Variants in SMIM7 observed in about 807,000 individuals in gnomAD.
The protein encoded by SMIM7 is small integral membrane protein 7, also known as UPF0608 protein C19orf42.
SMIM7 carries 12 observed loss-of-function variants against 13.3 expected under a neutral mutation model. That is an observed-to-expected ratio of 0.90 (90% CI 0.58 to 1.46). The LOEUF is 1.46. SMIM7 is among the 40% of genes most tolerant of loss of function. SMIM7 has a pLI of 0.00. For missense variants in SMIM7, 114 were observed against 94.8 expected, an observed-to-expected ratio of 1.20 and a Z score of -0.84; for synonymous variants, 36 against 35.8, an observed-to-expected ratio of 1.01 and a Z score of -0.02.
chr19:16,653,151 G>A (rs2044557451), intron 4 of SMIM7, among the ~76,000 whole-genome samples: 3 of 152,220 alleles, frequency 2.0e-5, no homozygotes, highest in Admixed American at 2.0e-4. Context: ...TCTCCTGGCA[G>A]CCCCTGCAGA....
At chr19:16,632,464 A>C (rs1431842032) in intron 4 of SMIM7, among the ~76,000 whole-genome samples, 2 of 151,862 alleles carry the variant, frequency 1.3e-5, no homozygotes, top group Non-Finnish European at 2.9e-5. Flanking sequence ...TGAATACAAT[A>C]CTTTAATTGC....
downstream of SMIM7, among the ~76,000 whole-genome samples, chr19:16,642,556 A>G (rs1348058262): frequency 6.6e-6 from 1 of 151,576 alleles, no homozygotes; most frequent in African/African-American, 2.4e-5. Flanking sequence ...AAACAAACAA[A>G]AAAGAATGAT....
chr19:16,647,900 A>G (rs2086470615), intron 4 of SMIM7, among the ~76,000 whole-genome samples: 1 of 152,244 alleles, frequency 6.6e-6, no homozygotes, highest in Admixed American at 6.5e-5. Context: ...AAGAGTGCAG[A>G]AACAGCTGGA....
chr19:16,652,757 A>G (rs1568305267), intron 4 of SMIM7: 1 of 1,468,884 alleles, frequency 6.8e-7, no homozygotes, highest in South Asian at 1.4e-5. Flanking sequence ...CGGAGTCTCA[A>G]TCACTCAGGA....
At chr19:16,638,366 C>T (rs1047447399) in intron 4 of SMIM7, among the ~76,000 whole-genome samples, 3 of 147,856 alleles carry the variant, frequency 2.0e-5, no homozygotes, top group Non-Finnish European at 4.5e-5. Context: ...TGCAATGGCA[C>T]GATCTCGGCT....
chr19:16,652,943 C>G (rs2086547648), intron 4 of SMIM7: 1 of 1,550,562 alleles, frequency 6.4e-7, no homozygotes, highest in African/African-American at 1.4e-5. Flanking sequence ...GAAAGGCAAT[C>G]TGCTTGAGTT....
chr19:16,650,072 A>G (rs1195652821), intron 4 of SMIM7, among the ~76,000 whole-genome samples: 4 of 152,186 alleles, frequency 2.6e-5, no homozygotes, highest in Non-Finnish European at 4.4e-5. Context: ...TCCTGTGAAT[A>G]TTCTATAAAA....
chr19:16,644,156 C>T (rs980291328), downstream of SMIM7, among the ~76,000 whole-genome samples: 25 of 111,642 alleles, frequency 2.2e-4, no homozygotes, highest in Admixed American at 7.5e-4. Flanking sequence ...ATGTTTTGCT[C>T]GTCGCCTAGG....
chr19:16,641,877 G>A (rs746401056), downstream of SMIM7, among the ~76,000 whole-genome samples: 7 of 152,148 alleles, frequency 4.6e-5, no homozygotes, highest in South Asian at 2.1e-4. Flanking sequence ...CACCGCACCC[G>A]GCTCCAATAA....
intron 3 of SMIM7, among the ~76,000 whole-genome samples, chr19:16,654,956 C>T (rs2086577163): frequency 6.6e-6 from 1 of 152,092 alleles, no homozygotes; most frequent in Admixed American, 6.6e-5. Flanking sequence ...GTCATCTTTG[C>T]CAACCCTAAC....
intron 4 of SMIM7, chr19:16,631,757 C>T (rs888821422): frequency 1.3e-5 from 2 of 152,100 alleles, no homozygotes; most frequent in African/African-American, 4.8e-5. Flanking sequence ...CACAGGGTTA[C>T]TAAACTTACC....
rs562898868 is a variant in SMIM7 at position 16,660,016 on chromosome 19, T to G, written c.27-16A>C. ...CAGCAACGTCCTGCAGAGGGAGAAT[T>G]ACAGTTACTAGGGGCGCCCCCGCGT... On this transcript the variant is annotated splice_polypyrimidine_tract_variant and intron_variant, in intron 1 of 4. Transcript: ENST00000487416. 1.7e-5 allele frequency: 27 copies of G among 1,613,994 alleles called. No homozygotes were observed. In the East Asian group the frequency reaches 5.3e-4, roughly 32 times the overall value.
At chr19:16,652,511 A>G in intron 4 of SMIM7, 1 of 1,032,028 alleles carries the variant, frequency 9.7e-7, no homozygotes, top group Non-Finnish European at 1.2e-6. Flanking sequence ...CGTTCCTACA[A>G]TTTCATGTAA....
intron 4 of SMIM7, among the ~76,000 whole-genome samples, chr19:16,650,899 T>C (rs1045202657): frequency 6.6e-6 from 1 of 152,206 alleles, no homozygotes; most frequent in African/African-American, 2.4e-5. Flanking sequence ...CCATGGTTAC[T>C]GCATGCACAT....
At chr19:16,651,358 A>G (rs979158639) in intron 4 of SMIM7, among the ~76,000 whole-genome samples, 1 of 152,194 alleles carries the variant, frequency 6.6e-6, no homozygotes, top group Non-Finnish European at 1.5e-5. Flanking sequence ...TCACAAAAAC[A>G]GGCAGTGGGG....
intron 3 of SMIM7, among the ~76,000 whole-genome samples, chr19:16,658,996 C>G (rs1304124059): frequency 1.3e-5 from 2 of 152,196 alleles, no homozygotes; most frequent in Non-Finnish European, 1.5e-5. Flanking sequence ...CACACACGCT[C>G]AATTAAAGAG....
chr19:16,649,065 C>T (rs1454035407), intron 4 of SMIM7, among the ~76,000 whole-genome samples: 1 of 152,024 alleles, frequency 6.6e-6, no homozygotes, highest in Non-Finnish European at 1.5e-5. Flanking sequence ...TGACCACAGT[C>T]AAAAGATTAA....
intron 4 of SMIM7, chr19:16,653,022 C>T: frequency 6.5e-7 from 1 of 1,533,944 alleles, no homozygotes; most frequent in Non-Finnish European, 8.8e-7. Flanking sequence ...TTTCTACTGG[C>T]TTCCAGCCCA....
At chr19:16,658,764 C>T (rs1282990825) in intron 3 of SMIM7, among the ~76,000 whole-genome samples, 3 of 152,020 alleles carry the variant, frequency 2.0e-5, no homozygotes, top group South Asian at 2.1e-4. Context: ...AGGACGGGTA[C>T]GGCAAGAACA....
Sources: gnomAD v4.1 joint callset for allele counts (sites outside exome capture counted in the v4.1 genomes callset) on GRCh38, gnomAD v4.1.1 for gene constraint, MANE v1.5 for transcripts, NCBI Gene and HGNC (gene_info 2026-07-23, HGNC 2026-07-21) for gene names.